Variants in BCAS3 observed in about 807,000 individuals in gnomAD.
The protein encoded by BCAS3 is BCAS4/BCAS3 fusion.
A neutral mutation model predicts 116.1 loss-of-function variants in BCAS3; 53 were observed. That is an observed-to-expected ratio of 0.46 (90% CI 0.37 to 0.57). The LOEUF is 0.57. Among genes scored for constraint, BCAS3 ranks in the 20% least tolerant of loss-of-function variants. The probability of loss-of-function intolerance (pLI) is 0.00; values close to 1 mark genes in which losing one functional copy is unlikely to be tolerated. For missense variants in BCAS3, 917 were observed against 1,165.4 expected, an observed-to-expected ratio of 0.79 and a Z score of 3.10; for synonymous variants, 391 against 408.2, an observed-to-expected ratio of 0.96 and a Z score of 0.51.
At chr17:61,035,582 CAAAAA>C (rs61144658) in intron 17 of BCAS3, among the ~76,000 whole-genome samples, 5 of 65,296 alleles carry the variant, frequency 7.7e-5, no homozygotes, top group African/African-American at 2.4e-4. Flanking sequence ...GACTCCATCT[CAAAAA>C]AAAAAAAAAA....
intron 22 of BCAS3, among the ~76,000 whole-genome samples, chr17:61,321,104 A>G (rs1183236898): frequency 6.6e-6 from 1 of 152,202 alleles, no homozygotes; most frequent in African/African-American, 2.4e-5. Flanking sequence ...TGAATCCTTA[A>G]TCTAGGGTCT....
Position 61,198,185 on chromosome 17 carries a change from G to T in BCAS3, c.2425+113621G>T, listed in dbSNP as rs1319585971. The stretch of plus-strand genomic sequence containing the variant: ...AGACGGAGTCTCACTCTGTCCCCCA[G>T]GCTGGAGTGCAGTGGCCCAATCTCA... On this transcript the variant is annotated intron_variant, in intron 22 of 23. Transcript: ENST00000407086. The surrounding 1 kb of genome is among the most constrained non-coding windows in gnomAD (Gnocchi z 5.0). 1.3e-5 allele frequency among the ~76,000 whole-genome samples: 2 copies of T among 149,048 alleles called. No individual in the cohort carries two copies. Among genetic ancestry groups the T allele is most frequent in the Non-Finnish European group, 3.0e-5 (2 of 67,658 alleles).
intron 12 of BCAS3, among the ~76,000 whole-genome samples, chr17:60,916,708 CT>C (rs1197784613): frequency 6.6e-6 from 1 of 151,940 alleles, no homozygotes; most frequent in Non-Finnish European, 1.5e-5. Flanking sequence ...ATAAATTGAA[CT>C]TTATAAAAAT....
intron 6 of BCAS3, among the ~76,000 whole-genome samples, chr17:60,793,973 G>GAT (rs2046996207): frequency 6.6e-6 from 1 of 152,154 alleles, no homozygotes; most frequent in African/African-American, 2.4e-5. Context: ...GTTCTTTAAG[G>GAT]AATCTCCACA....
rs376037802 is a variant in BCAS3, at chr17:61,381,436, C to A, written c.2594-10541C>A. ...TGAGACTGTGATCCTTTCCCAGCCG[C>A]GGCGTGTGGGCTTGAGACACAGGCT... On this transcript the variant is annotated intron_variant, in intron 23 of 23. Transcript: ENST00000407086. This position sits in a 1 kb window ranked among gnomAD's most constrained non-coding sequence, Gnocchi z 6.0. Among the ~76,000 whole-genome samples, 42 of 152,118 alleles carry A rather than the reference C, an allele frequency of 2.8e-4. No homozygotes were observed. Among genetic ancestry groups the A allele is most frequent in the East Asian group, 1.5e-3 (8 of 5,182 alleles).
In BCAS3 at chr17:61,338,887, GGAA is replaced by G. The variant is rs765195404; in HGVS notation, c.2426-29439_2426-29437del. ...GGAAGCCTATCTGGTGCCCTTACTG[GGAA>G]AAAAAAAAAAAAAAAAAAAAAAAAA... On this transcript the variant is annotated intron_variant, in intron 22 of 23. Transcript: ENST00000407086. Among the ~76,000 whole-genome samples, 63 of 99,708 alleles carry G rather than the reference GGAA, an allele frequency of 6.3e-4. 3 individuals are homozygous for G. The highest frequency in any genetic ancestry group is 2.2e-3 in the African/African-American group (59 of 26,476). The allele number at this position is 99,708 out of a possible 152,430, so 65.4% of individuals were successfully genotyped here.
At position 61,251,606 on chromosome 17, in the gene BCAS3, G is replaced by A. The variant is rs2048375756; in HGVS notation, c.2426-116721G>A. Reference sequence around the variant, plus strand: ...AAAAGAAAAGAAAGACTGGATCCTGGTCCATCCAAGATGCTGCCCTTGAGA... The same window carrying A: ...AAAAGAAAAGAAAGACTGGATCCTGATCCATCCAAGATGCTGCCCTTGAGA... On this transcript the variant is annotated intron_variant, in intron 22 of 23. Coordinates refer to ENST00000407086, the MANE Select transcript of BCAS3 (RefSeq NM_017679.5). This position sits in a 1 kb window ranked among gnomAD's most constrained non-coding sequence, Gnocchi z 4.7. Among the ~76,000 whole-genome samples, 1 of 151,926 alleles carries A rather than the reference G, an allele frequency of 6.6e-6. No individual in the cohort carries two copies. The highest frequency in any genetic ancestry group is 2.1e-4 in the South Asian group (1 of 4,810).
In BCAS3 at chr17:61,026,136, A is replaced by G. The variant is rs2066227784; in HGVS notation, c.1638-8530A>G. ...AACAGAATTTTGAGAAGAAATATGT[A>G]TAACATTGAAGTCCCAGTTTCCCAG... is the stretch of plus-strand genomic sequence containing the variant. On this transcript the variant is annotated intron_variant, in intron 16 of 23. Transcript: ENST00000407086. This position sits in a 1 kb window ranked among gnomAD's most constrained non-coding sequence, Gnocchi z 5.0. Among the ~76,000 whole-genome samples, 1 of 152,102 alleles carries G rather than the reference A, an allele frequency of 6.6e-6. No individual in the cohort carries two copies. The highest frequency in any genetic ancestry group is 2.1e-4 in the South Asian group (1 of 4,834).
chr17:60,763,443 A>T (rs2043753632), intron 6 of BCAS3, among the ~76,000 whole-genome samples: 1 of 152,126 alleles, frequency 6.6e-6, no homozygotes, highest in African/African-American at 2.4e-5. Flanking sequence ...TTCTGCATCT[A>T]TTGAGATAAT....
rs1220909248 is a variant in BCAS3 at position 61,044,457 on chromosome 17, A to T, written c.2029+3565A>T. Among the ~76,000 whole-genome samples the T allele has an allele frequency of 2.1e-4, 28 of 130,606 alleles. 3 individuals carry two copies. Among genetic ancestry groups the T allele is most frequent in the African/African-American group, 1.0e-3 (25 of 23,914 alleles). 85.7% of individuals were successfully genotyped at this position (130,606 alleles called of 152,430 possible). A position where few individuals can be genotyped will look rare whatever the true frequency, so the allele number is the denominator to read the frequency against. On this transcript the variant is annotated intron_variant, in intron 19 of 23. Coordinates refer to ENST00000407086, the MANE Select transcript of BCAS3 (RefSeq NM_017679.5). ...GCGTGACTCTGTCTCAAAAAAAAAA[A>T]AAAAAAAAATATATATATATATGCC...
At chr17:60,766,186 T>C (rs906104451) in intron 6 of BCAS3, among the ~76,000 whole-genome samples, 3 of 152,244 alleles carry the variant, frequency 2.0e-5, no homozygotes, top group African/African-American at 7.2e-5. Flanking sequence ...AGCCTACTTA[T>C]GTCAGCTCAT....
At chr17:60,761,476 A>ATG (rs2043525528) in intron 6 of BCAS3, among the ~76,000 whole-genome samples, 1 of 151,832 alleles carries the variant, frequency 6.6e-6, no homozygotes, top group Non-Finnish European at 1.5e-5. Context: ...CTGTCCTTGC[A>ATG]ATAGTTTGCT....
intron 22 of BCAS3, among the ~76,000 whole-genome samples, chr17:61,110,312 T>C (rs1407770445): frequency 6.6e-6 from 1 of 152,234 alleles, no homozygotes; most frequent in Non-Finnish European, 1.5e-5. Flanking sequence ...GGGTGATTTC[T>C]GCATTTCCAT....
At chr17:61,150,493 A>G (rs2077486273) in intron 22 of BCAS3, among the ~76,000 whole-genome samples, 1 of 152,226 alleles carries the variant, frequency 6.6e-6, no homozygotes, top group Non-Finnish European at 1.5e-5. Flanking sequence ...AAGTGGGAAC[A>G]ATCGTACAAG....
chr17:61,329,344 T>TA (rs1555831753), intron 22 of BCAS3, among the ~76,000 whole-genome samples: 6 of 55,836 alleles, frequency 1.1e-4, no homozygotes, highest in Non-Finnish European at 3.1e-4. Context: ...ATTATTATTA[T>TA]TTTTTTTTTT....
chr17:61,195,671 A>G (rs920615117), intron 22 of BCAS3, among the ~76,000 whole-genome samples: 2 of 150,536 alleles, frequency 1.3e-5, no homozygotes, highest in African/African-American at 4.9e-5. Flanking sequence ...GAGCCACCGC[A>G]CCCGGCCCCC....
chr17:61,143,565 T>A (rs747809069), intron 22 of BCAS3, among the ~76,000 whole-genome samples: 3 of 152,112 alleles, frequency 2.0e-5, no homozygotes, highest in Non-Finnish European at 4.4e-5. Context: ...ATCCCAGCAC[T>A]TTGGGAGGCT....
At chr17:60,822,036 T>TTAGGTA in intron 7 of BCAS3, among the ~76,000 whole-genome samples, 2 of 152,338 alleles carry the variant, frequency 1.3e-5, no homozygotes, top group Non-Finnish European at 2.9e-5. Context: ...TTGGTTGTTT[T>TTAGGTA]TAGGTTTTGG....
chr17:61,210,775 G>A (rs1203163856), intron 22 of BCAS3, among the ~76,000 whole-genome samples: 6 of 152,214 alleles, frequency 3.9e-5, no homozygotes, highest in East Asian at 3.9e-4. Context: ...TTTCAACTAC[G>A]AGCACACTCT....
Sources: gnomAD v4.1 joint callset for allele counts (sites outside exome capture counted in the v4.1 genomes callset) on GRCh38, gnomAD v4.1.1 for gene constraint, Gnocchi (gnomAD v3.1) non-coding constraint, MANE v1.5 for transcripts, NCBI Gene and HGNC (gene_info 2026-07-23, HGNC 2026-07-21) for gene names.